Variants in IMMT observed in about 807,000 individuals in gnomAD.
IMMT encodes inner membrane mitochondrial protein, also known as MICOS complex subunit MIC60.
In IMMT, 40 loss-of-function variants were observed where a neutral mutation model predicts 92.7. That is an observed-to-expected ratio of 0.43 (90% CI 0.34 to 0.56). The LOEUF is 0.56. Among genes scored for constraint, IMMT ranks in the 20% least tolerant of loss-of-function variants. The pLI, the probability that IMMT is intolerant of heterozygous loss-of-function variation, is 0.03. For synonymous variants in IMMT, 322 were observed against 336.1 expected, an observed-to-expected ratio of 0.96 and a Z score of 0.46; for missense variants, 831 against 912.1, an observed-to-expected ratio of 0.91 and a Z score of 1.14.
intron 12 of IMMT, among the ~76,000 whole-genome samples, chr2:86,149,813 G>C (rs1028195769): frequency 6.6e-6 from 1 of 150,606 alleles, no homozygotes; most frequent in African/African-American, 2.5e-5. Context: ...CTGGGAGGCA[G>C]AGGTTGCAAT....
chr2:86,177,249 T>C (rs1573930391), intron 3 of IMMT, among the ~76,000 whole-genome samples: 1 of 38,406 alleles, frequency 2.6e-5, no homozygotes, highest in Admixed American at 2.3e-4. Context: ...TTTTACAGAC[T>C]TTTTTTTTTT....
Position 86,181,186 on chromosome 2 carries a change from T to C in IMMT, c.119+113A>G, listed in dbSNP as rs964309156. 9.6e-6 allele frequency: 7 copies of C among 727,376 alleles called. No homozygotes were observed. The East Asian group carries it at 1.3e-4, about 14-fold the overall frequency. The allele number at this position is 727,376 out of a possible 1,614,324, so 45.1% of individuals were successfully genotyped here. On this transcript the variant is annotated intron_variant, in intron 2 of 14. Transcript: ENST00000410111. ...AATGTTACAGCAAAGCTTCGGTGTATGTACCCCTTTTTAAAAAAAGGTTTA... is the reference window on the plus strand; with the variant it reads ...AATGTTACAGCAAAGCTTCGGTGTACGTACCCCTTTTTAAAAAAAGGTTTA...
rs143866702 is a variant in IMMT at position 86,145,355 on chromosome 2, C to T, written c.1664-474G>A. ...ACTAAAAATACAAAACCTAGCCAGG[C>T]GTGGTGGCACGCACCTGTATTCCCA... On this transcript the variant is annotated intron_variant, in intron 14 of 14. Transcript: ENST00000410111. 8.1e-4 allele frequency among the ~76,000 whole-genome samples: 123 copies of T among 152,050 alleles called. No individual in the cohort carries two copies. In the East Asian group the frequency reaches 0.022, roughly 27 times the overall value.
Position 86,146,112 on chromosome 2 carries a change from T to G in IMMT, c.1619A>C (p.Asn540Thr). 6.2e-7 allele frequency: 1 copy of G among 1,609,034 alleles called. No individual in the cohort carries two copies. The highest frequency in any genetic ancestry group is 8.5e-7 in the Non-Finnish European group (1 of 1,176,554). ...TCCTCTGAGTCTGGCATAGGCAGTA[T>G]TTATATCCAGAGTAAAGTTGTCAAC... The part of the protein sequence containing the change: ...EQVDNFTLDI[N>T]TAYARLRGIE... The change falls in exon 14 of 15, where the codon AAT becomes ACT. Residue 540 changes from asparagine to threonine, a missense_variant. Coordinates refer to ENST00000410111, the MANE Select transcript of IMMT (RefSeq NM_006839.3).
Position 86,144,001 on chromosome 2 carries a change from CATT to C in IMMT, c.*264_*266del, listed in dbSNP as rs892485284. On this transcript the variant is annotated 3_prime_UTR_variant, in exon 15 of 15. Coordinates refer to ENST00000410111, the MANE Select transcript of IMMT (RefSeq NM_006839.3). ...AATCAACAGTAGTAGAGATCACAAA[CATT>C]ATTTTGATTGGCCTCACAAGCCTCA... is the stretch of plus-strand genomic sequence containing the variant. 1.9e-5 allele frequency: 10 copies of C among 526,996 alleles called. No homozygotes were observed. Among genetic ancestry groups the C allele is most frequent in the Admixed American group, 3.2e-5 (1 of 31,102 alleles). The allele number at this position is 526,996 out of a possible 1,614,324, so 32.6% of individuals were successfully genotyped here. A position where few individuals can be genotyped will look rare whatever the true frequency, so the allele number is the denominator to read the frequency against.
intron 5 of IMMT, among the ~76,000 whole-genome samples, 179 bp from the exon 6 acceptor site, chr2:86,171,023 T>C (rs1337606784): frequency 6.6e-6 from 1 of 152,182 alleles, no homozygotes; most frequent in Non-Finnish European, 1.5e-5. Flanking sequence ...GAAATAGGAA[T>C]CAGGCTTTAA....
intron 1 of IMMT, among the ~76,000 whole-genome samples, chr2:86,186,861 A>G (rs1672810788): frequency 6.6e-6 from 1 of 152,228 alleles, no homozygotes; most frequent in East Asian, 1.9e-4. Context: ...TCATGGATTT[A>G]AACACTTTTG....
At position 86,144,641 on chromosome 2, in the gene IMMT, A is replaced by C; in HGVS notation, c.1904T>G (p.Phe635Cys). ...VYSEETLRAR[F>C]YAVQKLARRV... The stretch of plus-strand genomic sequence containing the variant: ...TCGGGCCAGTTTTTGAACAGCATAG[A>C]AACGGGCTCTAAGGGTCTCTTCACT... Residue 635 changes from phenylalanine to cysteine, a missense_variant, in exon 15 of 15, where the codon TTC becomes TGC. Transcript: ENST00000410111. 6.2e-7 allele frequency: 1 copy of C among 1,614,010 alleles called. No homozygotes were observed. Among genetic ancestry groups the C allele is most frequent in the Non-Finnish European group, 8.5e-7 (1 of 1,179,894 alleles).
intron 11 of IMMT, among the ~76,000 whole-genome samples, chr2:86,151,725 T>C (rs1432848786): frequency 6.6e-6 from 1 of 152,218 alleles, no homozygotes; most frequent in Non-Finnish European, 1.5e-5. Context: ...AAAATTCAGG[T>C]AGGCCTTCAG....
intron 3 of IMMT, among the ~76,000 whole-genome samples, chr2:86,178,985 C>CCGGAGG (rs1230190111): frequency 6.6e-6 from 1 of 152,152 alleles, no homozygotes; most frequent in African/African-American, 2.4e-5. Context: ...TCGCTTGAAC[C>CCGGAGG]CGGAGGCGGA....
chr2:86,175,440 CTT>C (rs921496073), intron 3 of IMMT, among the ~76,000 whole-genome samples: 1 of 151,886 alleles, frequency 6.6e-6, no homozygotes, highest in Non-Finnish European at 1.5e-5. Context: ...TTGGTACTAT[CTT>C]AATATATATT....
intron 10 of IMMT, among the ~76,000 whole-genome samples, chr2:86,156,347 T>C (rs186083705): frequency 9.7e-4 from 148 of 152,182 alleles, no homozygotes; most frequent in African/African-American, 3.3e-3. Flanking sequence ...ATCCCAGCAC[T>C]TTGGGAGGCC....
At chr2:86,191,289 G>A (rs1333389392) in intron 1 of IMMT, among the ~76,000 whole-genome samples, 1 of 149,602 alleles carries the variant, frequency 6.7e-6, no homozygotes, top group Admixed American at 6.7e-5. Flanking sequence ...AGGTTGTAGT[G>A]AGCTGAGATT....
At chr2:86,162,214 G>A (rs1676336714) in intron 7 of IMMT, 135 bp from the exon 8 acceptor site, 1 of 558,262 alleles carries the variant, frequency 1.8e-6, no homozygotes, top group African/African-American at 2.0e-5. Context: ...TCCAGAGTAA[G>A]AACTCTTAAT....
rs1180439570 is a variant in IMMT at position 86,195,411 on chromosome 2, G to T, written c.-29C>A. On this transcript the variant is annotated 5_prime_UTR_variant, in exon 1 of 15. Coordinates refer to ENST00000410111, the MANE Select transcript of IMMT (RefSeq NM_006839.3). The stretch of plus-strand genomic sequence containing the variant: ...GGTCAAGCGGACGGCGCTGCTGGTG[G>T]ACTCGAGCTGCCGCGGCGGCGCGAG... 1.3e-6 allele frequency: 2 copies of T among 1,544,656 alleles called. No individual in the cohort carries two copies. Among genetic ancestry groups the T allele is most frequent in the East Asian group, 2.5e-5 (1 of 40,550 alleles).
At chr2:86,167,324 A>G (rs1446054468) in intron 6 of IMMT, among the ~76,000 whole-genome samples, 53 of 148,746 alleles carry the variant, frequency 3.6e-4, no homozygotes, top group Non-Finnish European at 5.1e-4. Flanking sequence ...GGTGCATACC[A>G]CCACGCCCAG....
At position 86,144,618 on chromosome 2, in the gene IMMT, G is replaced by C. The variant is rs780979464; in HGVS notation, c.1927C>G (p.Arg643Gly). Reference protein sequence around the residue: ...ARFYAVQKLARRVAMIDETRN... With the variant: ...ARFYAVQKLAGRVAMIDETRN... ...GTTTCATCAATCATTGCTACCCTTC[G>C]GGCCAGTTTTTGAACAGCATAGAAA... Residue 643 changes from arginine to glycine, a missense_variant, in exon 15 of 15, where the codon CGA becomes GGA. Transcript: ENST00000410111. 3 of 1,613,940 alleles carry C rather than the reference G, an allele frequency of 1.9e-6. No individual in the cohort carries two copies. Among genetic ancestry groups the C allele is most frequent in the Non-Finnish European group, 2.5e-6 (3 of 1,179,884 alleles).
At chr2:86,171,864 T>A (rs918606963) in intron 4 of IMMT, among the ~76,000 whole-genome samples, 7 of 147,988 alleles carry the variant, frequency 4.7e-5, no homozygotes, top group South Asian at 2.1e-4. Context: ...ATATATATAT[T>A]TTTTGCACAC....
In IMMT at chr2:86,144,560, T is replaced by C; in HGVS notation, c.1985A>G (p.Tyr662Cys). 2 of 1,613,920 alleles carry C rather than the reference T, an allele frequency of 1.2e-6. No individual in the cohort carries two copies. Among genetic ancestry groups the C allele is most frequent in the Non-Finnish European group, 1.7e-6 (2 of 1,179,882 alleles). The change falls in exon 15 of 15, where the codon TAC becomes TGC. Residue 662 changes from tyrosine to cysteine, a missense_variant. Tyr to Cys is a radical substitution (Grantham distance 194). Transcript: ENST00000410111. ...RNSLYQYFLS[Y>C]LQSLLLFPPQ... is the part of the protein sequence containing the mutation. Reference sequence around the variant, plus strand: ...TGGGAATAGGAGCAGGGACTGTAGGTAGGAGAGGAAGTACTGGTACAAGCT... The same window carrying C: ...TGGGAATAGGAGCAGGGACTGTAGGCAGGAGAGGAAGTACTGGTACAAGCT...
Sources: allele counts gnomAD v4.1 joint callset (sites outside exome capture counted in the v4.1 genomes callset), GRCh38; gene constraint gnomAD v4.1.1; transcripts MANE v1.5; gene names NCBI Gene and HGNC (gene_info 2026-07-23, HGNC 2026-07-21).